The following SLCO3A1 variants were observed in gnomAD, a reference collection of about 807,000 sequenced individuals.
The protein encoded by SLCO3A1 is PGE1 transporter.
SLCO3A1 carries 27 observed loss-of-function variants against 63.1 expected under a neutral mutation model. The observed-to-expected ratio is 0.43, with a 90% CI of 0.32 to 0.59. SLCO3A1 has a LOEUF of 0.59. Among genes scored for constraint, SLCO3A1 ranks in the 20% least tolerant of loss-of-function variants. SLCO3A1 has a pLI of 0.09. For synonymous variants in SLCO3A1, 473 were observed against 409.9 expected (o/e 1.15, Z -1.86); for missense variants, 773 against 945.8 (o/e 0.82, Z 2.40).
At chr15:92,017,390 T>C (rs2046451300) in intron 2 of SLCO3A1, among the ~76,000 whole-genome samples, 1 of 152,088 alleles carries the variant, frequency 6.6e-6, no homozygotes, top group African/African-American at 2.4e-5. Context: ...AACCAAATTA[T>C]GTTCCCTGAC....
At chr15:92,049,315 A>G (rs1431693579) in intron 2 of SLCO3A1, among the ~76,000 whole-genome samples, 2 of 152,074 alleles carry the variant, frequency 1.3e-5, no homozygotes, top group South Asian at 2.1e-4. Context: ...GATTCCCAGG[A>G]AAAAAACTAT....
intron 7 of SLCO3A1, among the ~76,000 whole-genome samples, chr15:92,132,847 C>G (rs563327953): frequency 6.9e-6 from 1 of 145,216 alleles, no homozygotes; most frequent in Admixed American, 6.8e-5. Context: ...TTCAGTGTGA[C>G]GGGTCTCAAT....
At chr15:92,157,699 G>A (rs2048389441) in intron 9 of SLCO3A1, among the ~76,000 whole-genome samples, 1 of 152,102 alleles carries the variant, frequency 6.6e-6, no homozygotes, top group South Asian at 2.1e-4. Flanking sequence ...TCTTTCTCTA[G>A]AGGTGGTGAA....
chr15:92,129,688 C>G (rs1039350652), intron 7 of SLCO3A1, among the ~76,000 whole-genome samples: 10 of 152,184 alleles, frequency 6.6e-5, no homozygotes, highest in African/African-American at 1.9e-4. Flanking sequence ...TTTCAAGGGA[C>G]TTAGAGTTGA....
At chr15:92,146,540 A>G (rs1009171842) in intron 7 of SLCO3A1, among the ~76,000 whole-genome samples, 2 of 152,096 alleles carry the variant, frequency 1.3e-5, no homozygotes, top group Non-Finnish European at 2.9e-5. Flanking sequence ...TGGGCACTCC[A>G]CCAGCAACAA....
intron 2 of SLCO3A1, among the ~76,000 whole-genome samples, chr15:91,938,177 A>C (rs1899481967): frequency 6.6e-6 from 1 of 152,220 alleles, no homozygotes; most frequent in Non-Finnish European, 1.5e-5. Flanking sequence ...GAGCTTTCTG[A>C]GCCTCAGTGT....
rs774117751 is a variant in SLCO3A1 at position 92,147,025 on chromosome 15, G to C, written c.1554G>C (p.Glu518Asp). The C allele has an allele frequency of 2.0e-5, 32 of 1,614,022 alleles. No homozygotes were observed. The highest frequency in any genetic ancestry group is 6.7e-5 in the East Asian group (3 of 44,890). Residue 518 changes from glutamate to aspartate, a missense_variant, in exon 8 of 10, where the codon GAG becomes GAC. By Grantham distance (45) the Glu-to-Asp change is conservative (BLOSUM62 2). Around this residue, in one of 3 missense-constraint regions of SLCO3A1, gnomAD observed 565 missense variants for 749.8 expected, o/e 0.75. Coordinates refer to ENST00000318445, the MANE Select transcript of SLCO3A1 (RefSeq NM_013272.4). ...CGTGCCTCACCACCGTCCCTGCTGA[G>C]AACGCAACCGTGGTTCCTGGAAAAT... is the stretch of plus-strand genomic sequence containing the variant. ...GCACLTTVPA[E>D]NATVVPGKCP...
intron 9 of SLCO3A1, among the ~76,000 whole-genome samples, chr15:92,160,745 A>G (rs928686247): frequency 1.3e-5 from 2 of 152,074 alleles, no homozygotes; most frequent in African/African-American, 4.8e-5. Flanking sequence ...TAGCACTCAT[A>G]GGGTAGCAAA....
At chr15:92,055,195 A>G (rs2047006889) in intron 2 of SLCO3A1, among the ~76,000 whole-genome samples, 1 of 152,118 alleles carries the variant, frequency 6.6e-6, no homozygotes, top group Non-Finnish European at 1.5e-5. Flanking sequence ...CATTTCTCTA[A>G]TCAGTGATGT....
At chr15:91,917,872 A>T (rs1343484993) in intron 2 of SLCO3A1, among the ~76,000 whole-genome samples, 1 of 152,210 alleles carries the variant, frequency 6.6e-6, no homozygotes, top group African/African-American at 2.4e-5. Flanking sequence ...GACTTGACTG[A>T]TGTCACCCTA....
Position 92,149,998 on chromosome 15 carries a change from G to C in SLCO3A1, c.1689-952G>C, listed in dbSNP as rs148422466. On this transcript the variant is annotated intron_variant, in intron 8 of 9. Transcript: ENST00000318445. ...TCTAAAGGGTGCTGACTGTGTTTCT[G>C]TCCAGAGGCACTGGACTCATCATGG... Among the ~76,000 whole-genome samples, 15 of 152,202 alleles carry C rather than the reference G, an allele frequency of 9.9e-5. 1 individual carries two copies. Among genetic ancestry groups the C allele is most frequent in the African/African-American group, 3.1e-4 (13 of 41,526 alleles).
rs2048251074 is a variant in SLCO3A1, at chr15:92,147,944, T to C, written c.1688+785T>C. Among the ~76,000 whole-genome samples, 8 of 152,332 alleles carry C rather than the reference T, an allele frequency of 5.3e-5. No homozygotes were observed. The South Asian group carries it at 1.7e-3, about 32-fold the overall frequency. ...TACACAAAGACTCATCAGCTGGGCA[T>C]GGTGGCTCATGCCTGTAATCCCAGC... is the stretch of plus-strand genomic sequence containing the variant. On this transcript the variant is annotated intron_variant, in intron 8 of 9. Transcript: ENST00000318445.
At chr15:91,864,112 A>G (rs1897109628) in intron 1 of SLCO3A1, among the ~76,000 whole-genome samples, 2 of 152,218 alleles carry the variant, frequency 1.3e-5, no homozygotes, top group African/African-American at 4.8e-5. Context: ...CTTGGGCTAA[A>G]TCCAAATACA....
At chr15:92,065,337 C>T (rs1294957844) in intron 2 of SLCO3A1, among the ~76,000 whole-genome samples, 1 of 152,122 alleles carries the variant, frequency 6.6e-6, no homozygotes, top group Non-Finnish European at 1.5e-5. Context: ...ATCCACCTAC[C>T]TCGGCCTCCC....
chr15:92,011,233 G>T (rs993911482), intron 2 of SLCO3A1, among the ~76,000 whole-genome samples: 1 of 152,028 alleles, frequency 6.6e-6, no homozygotes, highest in Non-Finnish European at 1.5e-5. Flanking sequence ...TATCCAAATG[G>T]CTCTCTTCCT....
intron 2 of SLCO3A1, among the ~76,000 whole-genome samples, chr15:91,926,334 C>T (rs879828011): frequency 2.0e-5 from 3 of 152,178 alleles, no homozygotes; most frequent in Non-Finnish European, 4.4e-5. Flanking sequence ...TGTTTAATAG[C>T]ACATTGCGTA....
intron 2 of SLCO3A1, among the ~76,000 whole-genome samples, chr15:92,027,111 G>C (rs1053542306): frequency 6.6e-6 from 1 of 151,282 alleles, no homozygotes; most frequent in Non-Finnish European, 1.5e-5. Context: ...AAAAAGGGGG[G>C]GTACATTATT....
chr15:92,074,474 G>T (rs1031782251), intron 2 of SLCO3A1, among the ~76,000 whole-genome samples: 9 of 152,248 alleles, frequency 5.9e-5, no homozygotes, highest in East Asian at 5.8e-4. Flanking sequence ...CTCCAGTTCT[G>T]GTCTCAGGTG....
chr15:92,121,234 T>C (rs985413075), intron 5 of SLCO3A1, among the ~76,000 whole-genome samples: 3 of 152,254 alleles, frequency 2.0e-5, no homozygotes, highest in African/African-American at 4.8e-5. Flanking sequence ...GTAAGGAATG[T>C]GGTCCTGCAG....
Sources: gnomAD v4.1 joint callset for allele counts (sites outside exome capture counted in the v4.1 genomes callset) on GRCh38, gnomAD v4.1.1 for gene constraint, gnomAD v4.1.1 regional missense constraint, MANE v1.5 for transcripts, NCBI Gene and HGNC (gene_info 2026-07-23, HGNC 2026-07-21) for gene names.